MYRIP: variants seen among roughly 807,000 people sequenced by gnomAD.
The protein encoded by MYRIP is myosin VIIA and Rab interacting protein, also known as rab effector MyRIP.
In MYRIP, 49 loss-of-function variants were observed where a neutral mutation model predicts 98.0. The observed-to-expected ratio is 0.50, with a 90% CI of 0.40 to 0.63. The LOEUF is 0.63. MYRIP is among the 30% of genes least tolerant of loss of function. The pLI is 0.00. For synonymous variants in MYRIP, 404 were observed against 409.5 expected, an observed-to-expected ratio of 0.99 and a Z score of 0.16; for missense variants, 1,004 against 1,058.2, an observed-to-expected ratio of 0.95 and a Z score of 0.71.
chr3:39,890,260 C>CT (rs1164194662), intron 1 of MYRIP, among the ~76,000 whole-genome samples: 2 of 151,964 alleles, frequency 1.3e-5, no homozygotes, highest in Non-Finnish European at 2.9e-5. Flanking sequence ...TTAGTAATTT[C>CT]TCACTTCTCG....
intron 8 of MYRIP, among the ~76,000 whole-genome samples, chr3:40,170,882 G>T (rs900317807): frequency 2.0e-5 from 3 of 152,092 alleles, no homozygotes. Flanking sequence ...CCCCACTAGG[G>T]GTCTAGTGGC....
chr3:40,022,227 C>T (rs1421119160), intron 2 of MYRIP, among the ~76,000 whole-genome samples: 4 of 152,180 alleles, frequency 2.6e-5, no homozygotes, highest in Non-Finnish European at 5.9e-5. Flanking sequence ...CGAAGGTGGC[C>T]ATTCCTGTCC....
chr3:39,837,500 A>T (rs775361504), intron 1 of MYRIP, among the ~76,000 whole-genome samples: 9 of 152,072 alleles, frequency 5.9e-5, no homozygotes, highest in Non-Finnish European at 1.2e-4. Flanking sequence ...TGTTTTTATC[A>T]GGTTTGTCAC....
At chr3:40,128,948 T>G (rs933336106) in intron 3 of MYRIP, among the ~76,000 whole-genome samples, 1 of 152,154 alleles carries the variant, frequency 6.6e-6, no homozygotes, top group Non-Finnish European at 1.5e-5. Context: ...ATCAATAGTA[T>G]TATTAGCATT....
intron 7 of MYRIP, 72 bp from the exon 8 acceptor site, chr3:40,169,878 G>A: frequency 6.3e-7 from 1 of 1,591,406 alleles, no homozygotes; most frequent in Non-Finnish European, 8.6e-7. Context: ...TCCAAAGATG[G>A]TCCCAGTTAC....
Position 40,204,064 on chromosome 3 carries a change from TAA to T in MYRIP, c.1666-5788_1666-5787del, listed in dbSNP as rs1951695313. ...TTATATATAATATATTTATATATAATAAATATTATATAATATATTTATATATT... is the reference window on the plus strand; with the variant it reads ...TTATATATAATATATTTATATATAATATATTATATAATATATTTATATATT... On this transcript the variant is annotated intron_variant, in intron 10 of 16. Coordinates refer to ENST00000302541, the MANE Select transcript of MYRIP (RefSeq NM_015460.4). Among the ~76,000 whole-genome samples, 3 of 1,150 alleles carry T rather than the reference TAA, an allele frequency of 2.6e-3. 1 individual carries two copies. The highest frequency in any genetic ancestry group is 9.1e-3 in the Non-Finnish European group (2 of 220). 0.8% of individuals were successfully genotyped at this position (1,150 alleles called of 152,430 possible).
intron 3 of MYRIP, among the ~76,000 whole-genome samples, chr3:40,093,108 G>T (rs1948758776): frequency 6.6e-6 from 1 of 152,196 alleles, no homozygotes; most frequent in Admixed American, 6.5e-5. Context: ...CAGCAAACAA[G>T]CATAGGGTTT....
At chr3:39,852,415 T>C (rs1488240131) in intron 1 of MYRIP, among the ~76,000 whole-genome samples, 1 of 152,196 alleles carries the variant, frequency 6.6e-6, no homozygotes, top group Non-Finnish European at 1.5e-5. Flanking sequence ...AATAAATTTG[T>C]GGAACAGGTG....
At chr3:39,979,414 G>T (rs990884971) in intron 2 of MYRIP, among the ~76,000 whole-genome samples, 2 of 152,040 alleles carry the variant, frequency 1.3e-5, no homozygotes, top group African/African-American at 4.8e-5. Flanking sequence ...CAAGGCGGGC[G>T]GATCACCTGA....
intron 2 of MYRIP, among the ~76,000 whole-genome samples, chr3:39,911,339 T>C (rs1033211058): frequency 1.3e-5 from 2 of 152,210 alleles, no homozygotes; most frequent in African/African-American, 2.4e-5. Context: ...CTTGTGGTCC[T>C]TCAAAGATGT....
chr3:39,824,888 T>A (rs1280820128), intron 1 of MYRIP, among the ~76,000 whole-genome samples: 3 of 152,102 alleles, frequency 2.0e-5, no homozygotes, highest in Admixed American at 6.5e-5. Context: ...GCTAATTTTT[T>A]AAAATTTTAT....
intron 4 of MYRIP, among the ~76,000 whole-genome samples, chr3:40,162,517 A>G (rs2125589955): frequency 6.6e-6 from 1 of 152,334 alleles, no homozygotes; most frequent in South Asian, 2.1e-4. Flanking sequence ...GTTGGCAGCA[A>G]TGCTGCACCA....
At chr3:39,909,118 G>A (rs998060236) in intron 2 of MYRIP, among the ~76,000 whole-genome samples, 30 of 152,144 alleles carry the variant, frequency 2.0e-4, no homozygotes, top group African/African-American at 7.0e-4. Flanking sequence ...ACACAGCTCT[G>A]GTTGAGATCA....
chr3:40,021,786 A>C (rs546628516), intron 2 of MYRIP, among the ~76,000 whole-genome samples: 1 of 152,354 alleles, frequency 6.6e-6, no homozygotes, highest in Non-Finnish European at 1.5e-5. Context: ...TATGTGAAGG[A>C]GGAATGAAAC....
Position 40,212,191 on chromosome 3 carries a change from TATACATATATATAC to T in MYRIP, c.1905+2099_1905+2112del, listed in dbSNP as rs1216651016. Among the ~76,000 whole-genome samples the T allele has an allele frequency of 1.1e-4, 5 of 44,922 alleles. No individual in the cohort carries two copies. The East Asian group carries it at 2.1e-3, about 19-fold the overall frequency. The allele number at this position is 44,922 out of a possible 152,430, so 29.5% of individuals were successfully genotyped here. A position where few individuals can be genotyped will look rare whatever the true frequency, so the allele number is the denominator to read the frequency against. On this transcript the variant is annotated intron_variant, in intron 11 of 16. Transcript: ENST00000302541. ...ATACATATATATACGTGTATGTGTATATACATATATATACGTGTGTGTATATATATATATACACA... is the reference window on the plus strand; with the variant it reads ...ATACATATATATACGTGTATGTGTATGTGTGTGTATATATATATATACACA...
intron 11 of MYRIP, among the ~76,000 whole-genome samples, chr3:40,221,495 G>A (rs1222947189): frequency 6.6e-6 from 1 of 152,200 alleles, no homozygotes; most frequent in African/African-American, 2.4e-5. Flanking sequence ...GCCAGCCATA[G>A]TGGTGAGCAC....
At chr3:39,952,730 C>G (rs1260942086) in intron 2 of MYRIP, among the ~76,000 whole-genome samples, 1 of 152,230 alleles carries the variant, frequency 6.6e-6, no homozygotes, top group Non-Finnish European at 1.5e-5. Context: ...AATGAATTTT[C>G]CCCCTCTTTA....
chr3:39,910,190 C>A lies in MYRIP; in HGVS notation c.110+9264C>A, dbSNP rs572577888. Among the ~76,000 whole-genome samples the A allele has an allele frequency of 4.6e-5, 7 of 152,226 alleles. No homozygotes were observed. In the South Asian group the frequency reaches 1.4e-3, roughly 32 times the overall value. On this transcript the variant is annotated intron_variant, in intron 2 of 16. Transcript: ENST00000302541. ...AGGCCTGAGCCACCATGCCCGGCCG[C>A]ATATTCTTATCTATTTACAAAATGG...
Position 40,258,492 on chromosome 3 carries a change from C to CT in MYRIP, c.*333dup, listed in dbSNP as rs1056741729. 12 of 299,266 alleles carry CT rather than the reference C, an allele frequency of 4.0e-5. No homozygotes were observed. The highest frequency in any genetic ancestry group is 1.0e-4 in the South Asian group (1 of 10,046). 18.5% of individuals were successfully genotyped at this position (299,266 alleles called of 1,614,324 possible). The stretch of plus-strand genomic sequence containing the variant: ...TGCTACTGTATGTTGACTTTAAGAT[C>CT]TTTTTTTAAATACATTTGATTCAGC... On this transcript the variant is annotated 3_prime_UTR_variant, in exon 17 of 17. Transcript: ENST00000302541.
Sources: allele counts gnomAD v4.1 joint callset (sites outside exome capture counted in the v4.1 genomes callset), GRCh38; gene constraint gnomAD v4.1.1; transcripts MANE v1.5; gene names NCBI Gene and HGNC (gene_info 2026-07-23, HGNC 2026-07-21).